The following ADGRG4 variants were observed in gnomAD, a reference collection of about 807,000 sequenced individuals.
ADGRG4 encodes adhesion G protein-coupled receptor G4.
ADGRG4 carries 122 observed loss-of-function variants against 126.2 expected under a neutral mutation model. The observed-to-expected ratio is 0.97, with a 90% CI of 0.83 to 1.12. The LOEUF (loss-of-function observed/expected upper bound fraction) is 1.12, where lower values mean the gene tolerates loss of function less well. Among genes scored for constraint, ADGRG4 ranks in the 50% most tolerant of loss-of-function variants. The probability of loss-of-function intolerance (pLI) is 0.00; values close to 1 mark genes in which losing one functional copy is unlikely to be tolerated. For synonymous variants in ADGRG4, 943 were observed against 838.7 expected (o/e 1.12, Z -2.15); for missense variants, 2,481 against 2,251.8 (o/e 1.10, Z -2.06).
chrX:136,399,016 G>A (rs971061118), intron 20 of ADGRG4, among the ~76,000 whole-genome samples: 1 of 112,251 alleles, frequency 8.9e-6, no homozygotes, highest in Non-Finnish European at 1.9e-5. Context: ...TTGAGCAAAG[G>A]AAGCCAGAAA....
chrX:136,375,129 A>G (rs1262310006), intron 15 of ADGRG4, among the ~76,000 whole-genome samples: 2 of 111,278 alleles, frequency 1.8e-5, no homozygotes, highest in Non-Finnish European at 3.8e-5. Flanking sequence ...GTGAGAATAT[A>G]TGATATTTGG....
Position 136,348,430 on chromosome X carries a change from C to A in ADGRG4, c.4724C>A (p.Ala1575Glu). 8.3e-7 allele frequency: 1 copy of A among 1,207,830 alleles called. No homozygotes were observed. ...GTTAATAACTCTGCTTTCACACCTGCAACAGTCTCTTCTGACACTTCCACA... is the reference window on the plus strand; with the variant it reads ...GTTAATAACTCTGCTTTCACACCTGAAACAGTCTCTTCTGACACTTCCACA... The part of the protein sequence containing the change: ...IPVNNSAFTP[A>E]TVSSDTSTRV... Residue 1575 changes from alanine to glutamate, a missense_variant, in exon 6 of 26, where the codon GCA becomes GAA. Coordinates refer to ENST00000394143, the MANE Select transcript of ADGRG4 (RefSeq NM_153834.4).
intron 24 of ADGRG4, among the ~76,000 whole-genome samples, chrX:136,413,267 T>A (rs1372640632): frequency 1.2e-5 from 1 of 81,963 alleles, no homozygotes; most frequent in Non-Finnish European, 2.2e-5. Flanking sequence ...GTCCCCAGAG[T>A]GTGATATTCC....
At position 136,359,506 on chromosome X, in the gene ADGRG4, A is replaced by G; in HGVS notation, c.7144+51A>G. On this transcript the variant is annotated intron_variant, in intron 11 of 25. Coordinates refer to ENST00000394143, the MANE Select transcript of ADGRG4 (RefSeq NM_153834.4). ...GCAGTATGAACTTACTTCCTTTATT[A>G]TAAAACTCATAATGCATACTTGGTT... 3.4e-6 allele frequency: 3 copies of G among 890,423 alleles called. No homozygotes were observed. In the African/African-American group the frequency reaches 6.0e-5, roughly 18 times the overall value. 73.4% of individuals were successfully genotyped at this position (890,423 alleles called of 1,213,427 possible).
intron 15 of ADGRG4, among the ~76,000 whole-genome samples, chrX:136,380,545 T>TC (rs1478962103): frequency 7.1e-5 from 7 of 98,268 alleles, no homozygotes; most frequent in Non-Finnish European, 8.4e-5. Flanking sequence ...CTCCTCCTCC[T>TC]CTTCTTCTTC....
chrX:136,379,433 C>T (rs1240236893), intron 15 of ADGRG4, among the ~76,000 whole-genome samples: 1 of 108,228 alleles, frequency 9.2e-6, no homozygotes, highest in African/African-American at 3.4e-5. Flanking sequence ...CTCCGTTCCT[C>T]TTGCCCCCTG....
Position 136,414,268 on chromosome X carries a change from C to T in ADGRG4, c.9146C>T (p.Ser3049Phe), listed in dbSNP as rs1264024102. The T allele has an allele frequency of 1.7e-6, 2 of 1,209,237 alleles. No homozygotes were observed. The highest frequency in any genetic ancestry group is 2.2e-6 in the Non-Finnish European group (2 of 893,645). Residue 3049 changes from serine to phenylalanine, a missense_variant, in exon 25 of 26, where the codon TCC (serine) becomes TTC (phenylalanine). Transcript: ENST00000394143. ...TCTCTCAAGTCAACTGCAACTAGCTCCACTTTCAAATCTTTAGGCTCTGCA... is the reference window on the plus strand; with the variant it reads ...TCTCTCAAGTCAACTGCAACTAGCTTCACTTTCAAATCTTTAGGCTCTGCA... ...TPSLKSTATS[S>F]TFKSLGSAQG...
intron 14 of ADGRG4, among the ~76,000 whole-genome samples, chrX:136,372,519 T>G: frequency 8.9e-6 from 1 of 111,974 alleles, no homozygotes; most frequent in East Asian, 2.8e-4. Flanking sequence ...ACTCAGTGGC[T>G]TTCCATTACA....
chrX:136,354,789 A>G (rs2075083467), intron 8 of ADGRG4, among the ~76,000 whole-genome samples: 1 of 111,484 alleles, frequency 9.0e-6, no homozygotes. Context: ...GCATTGGTTT[A>G]TTATAAAGGA....
rs56773324 is a variant in ADGRG4, at chrX:136,347,855, G to A, written c.4149G>A (p.Thr1383=). ...TTFLCPEKES[T]SALPAYTPRT... ...TTTTGTGTCCTGAAAAGGAAAGCAC[G>A]AGTGCCCTTCCAGCATATACTCCCA... is the stretch of plus-strand genomic sequence containing the variant. The change falls in exon 6 of 26, where the codon ACG becomes ACA. Residue 1383 remains threonine (T), a synonymous_variant. Transcript: ENST00000394143. 5 of 1,207,593 alleles carry A rather than the reference G, an allele frequency of 4.1e-6. No individual in the cohort carries two copies. Among genetic ancestry groups the A allele is most frequent in the Admixed American group, 2.2e-5 (1 of 45,689 alleles).
chrX:136,308,656 CAAT>C, intron 3 of ADGRG4, 110 bp from the exon 4 acceptor site: 1 of 523,326 alleles, frequency 1.9e-6, no homozygotes, highest in Non-Finnish European at 3.3e-6. Flanking sequence ...TGACTTTAAG[CAAT>C]AGGAAAAAAC....
At chrX:136,334,759 T>C (rs2074938940) in intron 5 of ADGRG4, among the ~76,000 whole-genome samples, 1 of 112,418 alleles carries the variant, frequency 8.9e-6, no homozygotes, top group Admixed American at 9.4e-5. Context: ...GAAATGTGAT[T>C]GCTTTTTGTG....
Position 136,372,997 on chromosome X carries a change from G to A in ADGRG4, c.7709G>A (p.Arg2570Gln), listed in dbSNP as rs1478714979. The A allele has an allele frequency of 5.8e-6, 7 of 1,208,256 alleles. No individual in the cohort carries two copies. The East Asian group carries it at 1.8e-4, about 31-fold the overall frequency. Residue 2570 changes from arginine (R) to glutamine (Q), a missense_variant, in exon 15 of 26, where the codon CGG becomes CAG. By Grantham distance (43) the Arg-to-Gln change is conservative. Coordinates refer to ENST00000394143, the MANE Select transcript of ADGRG4 (RefSeq NM_153834.4). ...TVAGLALAVL[R>Q]GDHTFDGMAF... The stretch of plus-strand genomic sequence containing the variant: ...GCCGGGCTGGCTTTGGCTGTGCTGC[G>A]GGGGGACCACACGTTTGATGGCATG...
intron 24 of ADGRG4, among the ~76,000 whole-genome samples, chrX:136,413,412 A>G (rs1284693156): frequency 9.0e-6 from 1 of 110,949 alleles, no homozygotes; most frequent in Non-Finnish European, 1.9e-5. Flanking sequence ...TACAAAGGAC[A>G]TGAACTCATC....
rs73637916 is a variant in ADGRG4, at chrX:136,369,264, A to G, written c.7397-2064A>G. Among the ~76,000 whole-genome samples, 604 of 112,653 alleles carry G rather than the reference A, an allele frequency of 5.4e-3. 5 individuals carry two copies. The highest frequency in any genetic ancestry group is 0.019 in the African/African-American group (576 of 31,064). On this transcript the variant is annotated intron_variant, in intron 13 of 25. Coordinates refer to ENST00000394143, the MANE Select transcript of ADGRG4 (RefSeq NM_153834.4). The stretch of plus-strand genomic sequence containing the variant: ...AATAGATAACCTGGAACACTGGCTC[A>G]TAGAAATTGCTCAGTAAATAGCAGA...
intron 20 of ADGRG4, among the ~76,000 whole-genome samples, chrX:136,398,932 A>G (rs1351409192): frequency 8.9e-6 from 1 of 112,546 alleles, no homozygotes; most frequent in Non-Finnish European, 1.9e-5. Flanking sequence ...TGTAAAATGG[A>G]ATGCTACACA....
chrX:136,362,671 G>A (rs1005647135), intron 12 of ADGRG4, among the ~76,000 whole-genome samples: 1 of 111,241 alleles, frequency 9.0e-6, no homozygotes, highest in South Asian at 3.9e-4. Context: ...ACGCTTCCTG[G>A]TGTCTCTTTC....
intron 4 of ADGRG4, among the ~76,000 whole-genome samples, chrX:136,320,909 AC>A (rs909203786): frequency 9.1e-6 from 1 of 109,959 alleles, no homozygotes; most frequent in Non-Finnish European, 1.9e-5. Flanking sequence ...AGAGAGTGAG[AC>A]CCCCCCTCTT....
intron 15 of ADGRG4, among the ~76,000 whole-genome samples, chrX:136,378,237 A>G (rs994243618): frequency 2.7e-5 from 3 of 111,569 alleles, no homozygotes; most frequent in African/African-American, 9.7e-5. Flanking sequence ...AAAATGGAAT[A>G]GTTTTAAAAC....
Sources: allele counts gnomAD v4.1 joint callset (sites outside exome capture counted in the v4.1 genomes callset), GRCh38; gene constraint gnomAD v4.1.1; transcripts MANE v1.5; gene names NCBI Gene and HGNC (gene_info 2026-07-23, HGNC 2026-07-21).